SEMA3A: variants seen among roughly 807,000 people sequenced by gnomAD.
SEMA3A encodes the protein semaphorin-3A.
A neutral mutation model predicts 97.9 loss-of-function variants in SEMA3A; 29 were observed. That is an observed-to-expected ratio of 0.30 (90% CI 0.22 to 0.40). The LOEUF (loss-of-function observed/expected upper bound fraction) is 0.40. SEMA3A is among the 10% of genes least tolerant of loss of function. The pLI, the probability that SEMA3A is intolerant of heterozygous loss-of-function variation, is 1.00. For missense variants in SEMA3A, 763 were observed against 951.3 expected (o/e 0.80, Z 2.60); for synonymous variants, 321 against 323.7 (o/e 0.99, Z 0.09).
intron 12 of SEMA3A, among the ~76,000 whole-genome samples, chr7:83,992,178 A>AT: frequency 6.6e-6 from 1 of 150,990 alleles, no homozygotes; most frequent in African/African-American, 2.4e-5. Flanking sequence ...CCCCTTTATC[A>AT]TTTTTTATTG....
At chr7:84,406,193 G>A (rs1804081895) in intron 1 of SEMA3A, among the ~76,000 whole-genome samples, 1 of 151,966 alleles carries the variant, frequency 6.6e-6, no homozygotes, top group African/African-American at 2.4e-5. Context: ...TCAAATAGAT[G>A]CAATAAAAAA....
At chr7:84,398,437 C>G (rs777248273) in intron 1 of SEMA3A, among the ~76,000 whole-genome samples, 6 of 151,942 alleles carry the variant, frequency 3.9e-5, no homozygotes, top group Non-Finnish European at 5.9e-5. Context: ...TTGCACACTT[C>G]AAACACATCA....
chr7:84,213,207 C>A (rs1230223512), intron 3 of SEMA3A, among the ~76,000 whole-genome samples: 1 of 152,040 alleles, frequency 6.6e-6, no homozygotes, highest in East Asian at 1.9e-4. Context: ...GAACTCCTGA[C>A]CTCAGGTGAT....
intron 10 of SEMA3A, 94 bp downstream of exon 10, chr7:84,007,259 C>T (rs1790703031): frequency 1.0e-6 from 1 of 985,010 alleles, no homozygotes; most frequent in South Asian, 2.6e-5. Context: ...TTCTACATTA[C>T]AGGATACATT....
At chr7:84,081,728 TA>T (rs1794170375) in intron 4 of SEMA3A, among the ~76,000 whole-genome samples, 1 of 152,004 alleles carries the variant, frequency 6.6e-6, no homozygotes, top group Admixed American at 6.6e-5. Flanking sequence ...ATGCAGACAT[TA>T]AAACATTACT....
intron 12 of SEMA3A, among the ~76,000 whole-genome samples, chr7:83,991,649 G>C (rs28873701): frequency 0.013 from 1,950 of 151,906 alleles, 53 homozygotes; most frequent in African/African-American, 0.045. Context: ...TTGAACCAGC[G>C]TTGCATCCCA....
chr7:84,321,452 A>G (rs1801641154), intron 2 of SEMA3A, among the ~76,000 whole-genome samples: 1 of 152,172 alleles, frequency 6.6e-6, no homozygotes, highest in Non-Finnish European at 1.5e-5. Context: ...AGAAAGTAAA[A>G]TACACATGAT....
intron 12 of SEMA3A, among the ~76,000 whole-genome samples, chr7:83,998,203 G>A (rs894468231): frequency 1.6e-4 from 25 of 151,982 alleles, no homozygotes; most frequent in Admixed American, 4.6e-4. Flanking sequence ...GCATCATTAT[G>A]TGATTTTGTC....
At chr7:84,280,127 G>T (rs1800403495) in intron 3 of SEMA3A, among the ~76,000 whole-genome samples, 1 of 152,038 alleles carries the variant, frequency 6.6e-6, no homozygotes, top group Non-Finnish European at 1.5e-5. Flanking sequence ...CAAACTCCTG[G>T]GCTCAAGCGA....
rs75872286 is a variant in SEMA3A at position 84,288,304 on chromosome 7, C to T, written c.-83+18903G>A. Among the ~76,000 whole-genome samples, 760 of 152,076 alleles carry T rather than the reference C, an allele frequency of 5.0e-3. 4 individuals carry two copies. The highest frequency in any genetic ancestry group is 0.038 in the East Asian group (195 of 5,180). On this transcript the variant is annotated intron_variant, in intron 3 of 3. Coordinates refer to the SEMA3A transcript ENST00000424555. ...TTCTAAAAAATATTGAATGTTTAAA[C>T]GAATTAAATTTATGCTACCCAATTA...
At chr7:84,434,049 T>G (rs564498096) in intron 1 of SEMA3A, among the ~76,000 whole-genome samples, 1 of 152,326 alleles carries the variant, frequency 6.6e-6, no homozygotes, top group African/African-American at 2.4e-5. Flanking sequence ...GATAGTTTCT[T>G]TTGCTGTGCA....
intron 1 of SEMA3A, among the ~76,000 whole-genome samples, chr7:84,164,758 A>G (rs1797147995): frequency 6.6e-6 from 1 of 152,148 alleles, no homozygotes; most frequent in Non-Finnish European, 1.5e-5. Context: ...ACCACACTCT[A>G]TATGCCCTGA....
At chr7:84,262,939 C>A (rs1799895060) in intron 3 of SEMA3A, among the ~76,000 whole-genome samples, 5 of 152,070 alleles carry the variant, frequency 3.3e-5, no homozygotes, top group Admixed American at 2.6e-4. Flanking sequence ...ATGGATGACC[C>A]ATGGAAGAGG....
intron 4 of SEMA3A, among the ~76,000 whole-genome samples, chr7:84,064,240 G>T (rs1320335615): frequency 6.6e-6 from 1 of 151,988 alleles, no homozygotes; most frequent in African/African-American, 2.4e-5. Flanking sequence ...GTCACCACCA[G>T]GCCTGCCCTA....
intron 3 of SEMA3A, among the ~76,000 whole-genome samples, chr7:84,282,144 TC>T (rs1800453197): frequency 6.6e-6 from 1 of 152,158 alleles, no homozygotes; most frequent in African/African-American, 2.4e-5. Flanking sequence ...CACAACATCA[TC>T]CTTTTTGGAA....
intron 6 of SEMA3A, among the ~76,000 whole-genome samples, chr7:84,043,169 C>T (rs529073784): frequency 7.2e-5 from 11 of 151,932 alleles, no homozygotes; most frequent in South Asian, 4.1e-4. Context: ...GTTTTAAGAA[C>T]GTTATTACAT....
chr7:84,482,809 T>C (rs1049648765), intron 1 of SEMA3A, among the ~76,000 whole-genome samples: 2 of 152,168 alleles, frequency 1.3e-5, no homozygotes, highest in Non-Finnish European at 2.9e-5. Context: ...TCCCTGCTTT[T>C]CTTATGTGAA....
At chr7:84,167,101 C>T (rs1797237983) in intron 1 of SEMA3A, among the ~76,000 whole-genome samples, 1 of 50,088 alleles carries the variant, frequency 2.0e-5, no homozygotes, top group Non-Finnish European at 5.4e-5. Context: ...CAAAAATATA[C>T]ATTTATCCAG....
chr7:83,973,742 A>G (rs568579415), intron 15 of SEMA3A, among the ~76,000 whole-genome samples: 3 of 152,172 alleles, frequency 2.0e-5, no homozygotes, highest in African/African-American at 7.2e-5. Context: ...TTCTGTGGAC[A>G]TATTACTGTG....
Sources: allele counts gnomAD v4.1 joint callset (sites outside exome capture counted in the v4.1 genomes callset), GRCh38; gene constraint gnomAD v4.1.1; transcripts MANE v1.5; gene names NCBI Gene and HGNC (gene_info 2026-07-23, HGNC 2026-07-21).